NAV2: variants seen among roughly 807,000 people sequenced by gnomAD.
NAV2 encodes the protein helicase, APC down-regulated 1.
NAV2 carries 54 observed loss-of-function variants against 223.2 expected under a neutral mutation model. That is an observed-to-expected ratio of 0.24 (90% CI 0.19 to 0.30). The LOEUF is 0.30. Ranked by LOEUF, NAV2 falls within the 10% of genes least tolerant of loss-of-function variation. The pLI is 1.00. For missense variants in NAV2, 2,806 were observed against 3,147.5 expected, an observed-to-expected ratio of 0.89 and a Z score of 2.60; for synonymous variants, 1,279 against 1,239.3, an observed-to-expected ratio of 1.03 and a Z score of -0.67.
rs548883517 is a variant in NAV2, at chr11:19,608,632, C to G, written c.76-223852C>G. ...AGTCCCACACACTCACACACAAGTA[C>G]TCCCATAAAACCTAGTTGTACTGAC... On this transcript the variant is annotated intron_variant, in intron 1 of 37. Transcript: ENST00000360655. Among the ~76,000 whole-genome samples the G allele has an allele frequency of 5.9e-5, 9 of 152,390 alleles. No individual in the cohort carries two copies. The South Asian group carries it at 1.9e-3, about 32-fold the overall frequency.
chr11:19,362,524 C>A (rs1048285447), intron 1 of NAV2, among the ~76,000 whole-genome samples: 1 of 152,042 alleles, frequency 6.6e-6, no homozygotes, highest in Admixed American at 6.5e-5. Flanking sequence ...TGTTGTATAC[C>A]ACCAGGAGTA....
At chr11:19,776,347 C>A (rs914119543) in intron 1 of NAV2, among the ~76,000 whole-genome samples, 1 of 152,130 alleles carries the variant, frequency 6.6e-6, no homozygotes, top group Non-Finnish European at 1.5e-5. Context: ...GTCCCCAGTC[C>A]TCAAAGGAAG....
At chr11:20,066,604 T>C (rs973822831) in intron 20 of NAV2, among the ~76,000 whole-genome samples, 1 of 152,102 alleles carries the variant, frequency 6.6e-6, no homozygotes, top group Non-Finnish European at 1.5e-5. Context: ...GGAGCATAGG[T>C]TGAAGGCGGA....
chr11:19,782,013 T>A (rs1161404400), intron 1 of NAV2, among the ~76,000 whole-genome samples: 1 of 152,202 alleles, frequency 6.6e-6, no homozygotes, highest in Non-Finnish European at 1.5e-5. Context: ...CACCTTCAGC[T>A]AGAAAACAAC....
intron 1 of NAV2, among the ~76,000 whole-genome samples, chr11:19,715,122 C>T (rs2050193990): frequency 1.3e-5 from 2 of 152,174 alleles, no homozygotes; most frequent in East Asian, 1.9e-4. Flanking sequence ...CTTTCTGATG[C>T]GGGAACTGGA....
chr11:20,074,182 C>T (rs2059578671), intron 22 of NAV2, among the ~76,000 whole-genome samples: 2 of 152,270 alleles, frequency 1.3e-5, no homozygotes, highest in South Asian at 2.1e-4. Flanking sequence ...GCCTTCATTT[C>T]CTTATGTACC....
At chr11:19,454,810 G>A (rs10833114) in intron 1 of NAV2, among the ~76,000 whole-genome samples, 73,307 of 152,044 alleles carry the variant, frequency 0.48, 19,600 homozygotes, top group Non-Finnish European at 0.6. Flanking sequence ...GGGAGTGTTG[G>A]GAGGTGGGAG....
chr11:19,413,948 C>A (rs1374930574), intron 1 of NAV2, among the ~76,000 whole-genome samples: 2 of 152,128 alleles, frequency 1.3e-5, no homozygotes, highest in Non-Finnish European at 2.9e-5. Context: ...AAAACCAATA[C>A]CAGTCCCTGC....
intron 1 of NAV2, among the ~76,000 whole-genome samples, chr11:19,456,511 A>G (rs1350452325): frequency 6.6e-6 from 1 of 152,136 alleles, no homozygotes; most frequent in Admixed American, 6.5e-5. Context: ...AGCTCCTCCC[A>G]ATACCTACTT....
intron 1 of NAV2, among the ~76,000 whole-genome samples, chr11:19,691,131 G>A (rs1343449789): frequency 6.6e-6 from 1 of 152,100 alleles, no homozygotes; most frequent in Non-Finnish European, 1.5e-5. Context: ...AAACTCCCAG[G>A]TGCTACTGCT....
intron 11 of NAV2, among the ~76,000 whole-genome samples, chr11:19,986,741 T>C (rs1308336061): frequency 6.6e-6 from 1 of 152,244 alleles, no homozygotes; most frequent in East Asian, 1.9e-4. Flanking sequence ...TTGTTTTACA[T>C]AAGTTCTGGC....
chr11:19,610,546 T>C (rs1463346095), intron 1 of NAV2, among the ~76,000 whole-genome samples: 1 of 152,212 alleles, frequency 6.6e-6, no homozygotes, highest in Non-Finnish European at 1.5e-5. Flanking sequence ...ACAGGTAACA[T>C]GCATCAGAGC....
At chr11:20,107,031 T>C (rs1273752461) in intron 35 of NAV2, among the ~76,000 whole-genome samples, 2 of 151,448 alleles carry the variant, frequency 1.3e-5, no homozygotes, top group East Asian at 3.9e-4. Flanking sequence ...GTTTCTGTTC[T>C]TTTGGACTTG....
intron 10 of NAV2, among the ~76,000 whole-genome samples, chr11:19,962,202 G>T (rs1220914817): frequency 6.6e-6 from 1 of 151,662 alleles, no homozygotes; most frequent in Non-Finnish European, 1.5e-5. Context: ...TCTTGAGGTA[G>T]AATCCCCTCT....
intron 11 of NAV2, among the ~76,000 whole-genome samples, chr11:19,999,829 T>C (rs373742764): frequency 7.9e-5 from 12 of 152,370 alleles, no homozygotes; most frequent in African/African-American, 2.2e-4. Flanking sequence ...GCACAGTGCC[T>C]GGTCCAGTCA....
At chr11:19,415,782 G>A (rs1198049743) in intron 1 of NAV2, among the ~76,000 whole-genome samples, 2 of 152,154 alleles carry the variant, frequency 1.3e-5, no homozygotes, top group African/African-American at 4.8e-5. Flanking sequence ...ATACAAGCCT[G>A]GTTCAACATA....
intron 1 of NAV2, among the ~76,000 whole-genome samples, chr11:19,375,335 C>T (rs1251158807): frequency 6.6e-6 from 1 of 152,180 alleles, no homozygotes; most frequent in Admixed American, 6.5e-5. Context: ...TTAAATTTAT[C>T]CCAGAAGATG....
chr11:19,970,443 A>G (rs1330943270), intron 10 of NAV2, among the ~76,000 whole-genome samples: 3 of 152,338 alleles, frequency 2.0e-5, no homozygotes, highest in East Asian at 1.9e-4. Context: ...TGCTGAGATT[A>G]CAGGCACTGC....
chr11:20,097,832 T>A (rs1592136232), intron 31 of NAV2, 87 bp downstream of exon 31: 2 of 1,231,438 alleles, frequency 1.6e-6, no homozygotes, highest in East Asian at 5.0e-5. Flanking sequence ...GGCCCCAGTT[T>A]TGTTTGTGCA....
Sources: allele counts gnomAD v4.1 joint callset (sites outside exome capture counted in the v4.1 genomes callset), GRCh38; gene constraint gnomAD v4.1.1; transcripts MANE v1.5; gene names NCBI Gene and HGNC (gene_info 2026-07-23, HGNC 2026-07-21).